Variants in TTC3 observed in about 807,000 individuals in gnomAD.
TTC3 encodes the protein E3 ubiquitin-protein ligase TTC3.
TTC3 carries 180 observed loss-of-function variants against 249.6 expected under a neutral mutation model. The ratio of observed to expected loss-of-function variants is 0.72; its 90% CI spans 0.64 to 0.82. The LOEUF is 0.82. TTC3 is among the 40% of genes least tolerant of loss of function. The pLI is 0.00. For missense variants in TTC3, 2,061 were observed against 2,398.4 expected, an observed-to-expected ratio of 0.86 and a Z score of 2.94; for synonymous variants, 717 against 805.0, an observed-to-expected ratio of 0.89 and a Z score of 1.85.
intron 1 of TTC3, chr21:37,083,215 A>G (rs2071946489): frequency 7.1e-6 from 7 of 985,344 alleles, no homozygotes; most frequent in Admixed American, 6.1e-5. Context: ...AGTTTTGTTT[A>G]GGAAGGACAA....
intron 28 of TTC3, among the ~76,000 whole-genome samples, chr21:37,157,573 ACTTT>A (rs2080228972): frequency 1.3e-5 from 2 of 152,198 alleles, no homozygotes; most frequent in African/African-American, 2.4e-5. Flanking sequence ...AGGACCCAAC[ACTTT>A]CTTTCTCCCT....
At chr21:37,112,460 CG>C (rs1346679957) in intron 11 of TTC3, among the ~76,000 whole-genome samples, 1 of 152,084 alleles carries the variant, frequency 6.6e-6, no homozygotes, top group Non-Finnish European at 1.5e-5. Context: ...ATAAATTCCT[CG>C]ACACATACAC....
At chr21:37,187,487 C>T (rs373913542) in intron 38 of TTC3, among the ~76,000 whole-genome samples, 1 of 152,150 alleles carries the variant, frequency 6.6e-6, no homozygotes, top group African/African-American at 2.4e-5. Flanking sequence ...AGTAGCCAAC[C>T]ATATTTGCCA....
At chr21:37,098,237 A>T in intron 10 of TTC3, 1 of 262,514 alleles carries the variant, frequency 3.8e-6, no homozygotes, top group Non-Finnish European at 7.2e-6. Flanking sequence ...TTTCAAGATC[A>T]GATGAATAGG....
chr21:37,197,849 G>A, intron 43 of TTC3, 33 bp from the exon 44 acceptor site: 1 of 1,598,532 alleles, frequency 6.3e-7, no homozygotes, highest in East Asian at 2.2e-5. Flanking sequence ...CTTCCCTCTT[G>A]TCCCCTCCCC....
rs1347841810 is a variant in TTC3 at position 37,166,034 on chromosome 21, G to GTC, written c.3824_3825dup (p.Ser1276LeufsTer29). On this transcript the variant is annotated frameshift_variant, in exon 33 of 46. Transcript: ENST00000355666. LOFTEE classifies it high-confidence loss of function. ...TTCTGAGGATGGGCAACCCAAAGGG[G>GTC]TCTCTTCTAATTCTCCTAAACCAGG... 1 of 1,614,050 alleles carries GTC rather than the reference G, an allele frequency of 6.2e-7. No homozygotes were observed. The highest frequency in any genetic ancestry group is 8.5e-7 in the Non-Finnish European group (1 of 1,180,046).
intron 1 of TTC3, among the ~76,000 whole-genome samples, chr21:37,084,629 G>A (rs2072163197): frequency 6.6e-6 from 1 of 152,176 alleles, no homozygotes; most frequent in Non-Finnish European, 1.5e-5. Context: ...AGAGAGCCAG[G>A]ACTCAAGCCC....
At chr21:37,117,852 A>C (rs1037114844) in intron 11 of TTC3, among the ~76,000 whole-genome samples, 2 of 140,310 alleles carry the variant, frequency 1.4e-5, no homozygotes, top group Admixed American at 6.8e-5. Flanking sequence ...AAAAAAAAAA[A>C]AGAAAAAAGA....
At chr21:37,088,074 A>G in intron 3 of TTC3, 122 bp from the exon 4 acceptor site, 1 of 1,013,434 alleles carries the variant, frequency 9.9e-7, no homozygotes, top group South Asian at 1.8e-5. Context: ...TTAACAGGCT[A>G]GAATACTTCA....
At chr21:37,186,751 A>G (rs1468750859) in intron 37 of TTC3, among the ~76,000 whole-genome samples, 1 of 152,172 alleles carries the variant, frequency 6.6e-6, no homozygotes, top group Non-Finnish European at 1.5e-5. Flanking sequence ...ATGTCACCAG[A>G]TTGTACTCCA....
intron 21 of TTC3, among the ~76,000 whole-genome samples, chr21:37,146,473 C>T (rs1459972704): frequency 2.6e-5 from 4 of 151,466 alleles, no homozygotes; most frequent in East Asian, 1.9e-4. Context: ...GAGCTGAGAT[C>T]GTGCCACTGC....
chr21:37,133,078 T>TA, intron 17 of TTC3, among the ~76,000 whole-genome samples: 1 of 152,300 alleles, frequency 6.6e-6, no homozygotes, highest in African/African-American at 2.4e-5. Flanking sequence ...ACTTGATAAT[T>TA]ACGTTAGCTA....
chr21:37,146,610 G>C (rs1331950973), intron 21 of TTC3, among the ~76,000 whole-genome samples: 3 of 152,190 alleles, frequency 2.0e-5, no homozygotes, highest in African/African-American at 7.2e-5. Context: ...CAAAGGGCTT[G>C]TGTGAGTCCA....
chr21:37,175,028 G>A (rs1052198472), intron 35 of TTC3, among the ~76,000 whole-genome samples: 2 of 151,704 alleles, frequency 1.3e-5, no homozygotes, highest in African/African-American at 2.4e-5. Flanking sequence ...GGCCAAGGTG[G>A]GTGGATCACG....
chr21:37,104,879 A>G (rs1307722473), intron 10 of TTC3, among the ~76,000 whole-genome samples: 3 of 152,196 alleles, frequency 2.0e-5, no homozygotes, highest in South Asian at 2.1e-4. Context: ...TTGGGCTTCT[A>G]GGAACTCCCC....
chr21:37,116,816 A>T (rs1378866809), intron 11 of TTC3, among the ~76,000 whole-genome samples: 4 of 152,056 alleles, frequency 2.6e-5, no homozygotes, highest in African/African-American at 9.7e-5. Context: ...AAAAAATAAA[A>T]AAATAAAAAT....
intron 1 of TTC3, chr21:37,082,947 C>T (rs1601244835): frequency 4.1e-6 from 4 of 983,242 alleles, no homozygotes; most frequent in East Asian, 1.1e-4. Flanking sequence ...TTTGAGTTAT[C>T]CTAAAGAAAA....
intron 31 of TTC3, 102 bp downstream of exon 31, chr21:37,162,165 ACTTTC>A (rs968244040): frequency 7.3e-6 from 5 of 684,936 alleles, no homozygotes; most frequent in African/African-American, 5.4e-5. Context: ...TATTTCCCTA[ACTTTC>A]CTTTCTAAAG....
At chr21:37,078,324 G>C (rs904184961) in intron 1 of TTC3, among the ~76,000 whole-genome samples, 1 of 152,026 alleles carries the variant, frequency 6.6e-6, no homozygotes, top group African/African-American at 2.4e-5. Context: ...TTAAGAATTA[G>C]CTTGTTACAT....
Sources: gnomAD v4.1 joint callset for allele counts (sites outside exome capture counted in the v4.1 genomes callset) on GRCh38, gnomAD v4.1.1 for gene constraint, MANE v1.5 for transcripts, NCBI Gene and HGNC (gene_info 2026-07-23, HGNC 2026-07-21) for gene names.